The following RBBP6 variants were observed in gnomAD, a reference collection of about 807,000 sequenced individuals.
The protein encoded by RBBP6 is RB binding protein 6, ubiquitin ligase.
A neutral mutation model predicts 167.7 loss-of-function variants in RBBP6; 25 were observed. That is an observed-to-expected ratio of 0.15 (90% CI 0.11 to 0.21). RBBP6 has a LOEUF of 0.21. Among genes scored for constraint, RBBP6 ranks in the 10% least tolerant of loss-of-function variants. The probability of loss-of-function intolerance (pLI) is 1.00; values close to 1 mark genes in which losing one functional copy is unlikely to be tolerated. For missense variants in RBBP6, 1,868 were observed against 2,134.2 expected, an observed-to-expected ratio of 0.88 and a Z score of 2.46; for synonymous variants, 789 against 735.8, an observed-to-expected ratio of 1.07 and a Z score of -1.17.
intron 14 of RBBP6, among the ~76,000 whole-genome samples, chr16:24,565,481 A>G (rs1899172660): frequency 6.6e-6 from 1 of 152,252 alleles, no homozygotes; most frequent in Admixed American, 6.5e-5. Context: ...GGTGAACAGC[A>G]GCTGAGCGAG....
chr16:24,563,707 A>C (rs777352358), intron 13 of RBBP6, 43 bp downstream of exon 13: 4 of 1,580,920 alleles, frequency 2.5e-6, no homozygotes, highest in African/African-American at 2.8e-5. Context: ...TTGCCTGCAA[A>C]CTAGATAATG....
chr16:24,560,893 C>T (rs1015567081), intron 8 of RBBP6, among the ~76,000 whole-genome samples: 1 of 152,130 alleles, frequency 6.6e-6, no homozygotes, highest in Non-Finnish European at 1.5e-5. Context: ...GAACCCATCC[C>T]CTTTGGATAC....
At chr16:24,558,565 C>A in intron 7 of RBBP6, 3 of 836,866 alleles carry the variant, frequency 3.6e-6, no homozygotes, top group Non-Finnish European at 4.3e-6. Context: ...GAGATTCTTT[C>A]ATTTTCAGCA....
chr16:24,558,553 C>T (rs534192299), intron 7 of RBBP6: 1 of 891,102 alleles, frequency 1.1e-6, no homozygotes, highest in African/African-American at 1.8e-5. Context: ...CTCTGTACAG[C>T]CGAGATTCTT....
chr16:24,563,898 GT>G (rs901812474), intron 13 of RBBP6, among the ~76,000 whole-genome samples: 3 of 151,808 alleles, frequency 2.0e-5, no homozygotes, highest in Non-Finnish European at 4.4e-5. Context: ...AATTTTAAAA[GT>G]TTTTTTCTAC....
chr16:24,550,323 GT>G (rs972625721), intron 3 of RBBP6, among the ~76,000 whole-genome samples: 6 of 140,798 alleles, frequency 4.3e-5, no homozygotes, highest in Admixed American at 2.1e-4. Flanking sequence ...AGTGTTTGGG[GT>G]TTTTTTTTCC....
chr16:24,545,089 CTT>C (rs199819400), intron 1 of RBBP6, among the ~76,000 whole-genome samples: 1 of 152,056 alleles, frequency 6.6e-6, no homozygotes, highest in African/African-American at 2.4e-5. Context: ...CCACAGTAGT[CTT>C]TTTTTGAGAC....
chr16:24,551,515 A>T (rs1898794131), intron 3 of RBBP6, among the ~76,000 whole-genome samples: 1 of 151,858 alleles, frequency 6.6e-6, no homozygotes, highest in Non-Finnish European at 1.5e-5. Flanking sequence ...AATAGTGATT[A>T]CTTGGTGGTA....
In RBBP6 at chr16:24,562,057, C is replaced by A; in HGVS notation, c.1185C>A (p.Ala395=). Residue 395 remains alanine, a synonymous_variant, in exon 10 of 18, where the codon GCC becomes GCA. Transcript: ENST00000319715. ...TAACTTCTAATCAGTCTTCCTTGGC[C>A]CCTCCTGTGTCTGGAAATCCGTCTT... The part of the protein sequence containing the change: ...SSLTSNQSSL[A]PPVSGNPSSA... 5 of 1,612,918 alleles carry A rather than the reference C, an allele frequency of 3.1e-6. No individual in the cohort carries two copies. Among genetic ancestry groups the A allele is most frequent in the Non-Finnish European group, 4.2e-6 (5 of 1,178,918 alleles).
chr16:24,565,008 T>C (rs1899158676), intron 14 of RBBP6, 143 bp downstream of exon 14: 4 of 1,335,346 alleles, frequency 3.0e-6, no homozygotes, highest in Non-Finnish European at 9.7e-7. Flanking sequence ...CCTGGGTAGT[T>C]GTCCTTAAAG....
intron 16 of RBBP6, among the ~76,000 whole-genome samples, chr16:24,568,100 G>A (rs763290763): frequency 6.6e-6 from 1 of 152,080 alleles, no homozygotes; most frequent in Non-Finnish European, 1.5e-5. Context: ...TAACAGTTGT[G>A]GGGATTAAAT....
rs200250979 is a variant in RBBP6, at chr16:24,570,384, T to G, written c.3694T>G (p.Ser1232Ala). Reference sequence around the variant, plus strand: ...AAATATATCAAACACAAAAGAACCCTCTGAAAAATTGGAGTCAACATCTAG... The same window carrying G: ...AAATATATCAAACACAAAAGAACCCGCTGAAAAATTGGAGTCAACATCTAG... ...TENISNTKEP[S>A]EKLESTSSKV... The change falls in exon 17 of 18, where the codon TCT (serine) becomes GCT (alanine). Residue 1232 changes from serine to alanine, a missense_variant. Ser to Ala is a moderately conservative substitution (Grantham distance 99, BLOSUM62 1). Coordinates refer to ENST00000319715, the MANE Select transcript of RBBP6 (RefSeq NM_006910.5). The G allele has an allele frequency of 6.2e-7, 1 of 1,612,486 alleles. No homozygotes were observed. The highest frequency in any genetic ancestry group is 2.2e-5 in the East Asian group (1 of 44,838).
intron 1 of RBBP6, 85 bp downstream of exon 1, chr16:24,540,877 A>G: frequency 6.7e-7 from 1 of 1,495,526 alleles, no homozygotes; most frequent in Non-Finnish European, 9.0e-7. Context: ...AACCGCCATT[A>G]TGTCTCTAGT....
intron 8 of RBBP6, among the ~76,000 whole-genome samples, chr16:24,560,268 G>T (rs938656546): frequency 1.9e-4 from 29 of 151,938 alleles, no homozygotes; most frequent in Middle Eastern, 3.2e-3. Context: ...CACCACACCC[G>T]GCTAATGTTT....
In RBBP6 at chr16:24,555,978, G is replaced by A. The variant is rs183232779; in HGVS notation, c.534+61G>A. The A allele has an allele frequency of 4.2e-6, 6 of 1,414,436 alleles. No homozygotes were observed. The Admixed American group carries it at 7.0e-5, about 17-fold the overall frequency. The allele number at this position is 1,414,436 out of a possible 1,614,324, so 87.6% of individuals were successfully genotyped here. ...TTTTTTCCTTTGGAATTGTTCCTTA[G>A]CTATCTTATTTTTCTTGGTTAATAC... On this transcript the variant is annotated intron_variant, in intron 6 of 17. Transcript: ENST00000319715.
chr16:24,569,126 T>C lies in RBBP6; in HGVS notation c.2436T>C (p.Tyr812=), dbSNP rs1412933980. The C allele has an allele frequency of 2.5e-6, 4 of 1,612,998 alleles. No individual in the cohort carries two copies. In the Admixed American group the frequency reaches 6.7e-5, roughly 27 times the overall value. Residue 812 remains tyrosine, a synonymous_variant, in exon 17 of 18, where the codon TAT becomes TAC. Transcript: ENST00000319715. The part of the protein sequence containing the change: ...VPPPYDMKAY[Y]GRSVDFRDPF... ...CACCATATGACATGAAAGCATATTA[T>C]GGGAGAAGTGTTGACTTTAGAGACC...
intron 7 of RBBP6, among the ~76,000 whole-genome samples, chr16:24,558,246 G>C (rs1370206897): frequency 3.3e-5 from 5 of 152,084 alleles, no homozygotes; most frequent in African/African-American, 1.2e-4. Flanking sequence ...AATTGTGCCA[G>C]ACACACAGCA....
At position 24,539,822 on chromosome 16, in the gene RBBP6, G is replaced by C. The variant is rs1898435919; in HGVS notation, c.-805G>C. On this transcript the variant is annotated 5_prime_UTR_variant, in exon 1 of 18. Coordinates refer to ENST00000319715, the MANE Select transcript of RBBP6 (RefSeq NM_006910.5). ...CAGGGAGCCTCGGCGGTGTCCCCGGGGTCCGCCGAAGCCACCCGGCCGCCG... is the reference window on the plus strand; with the variant it reads ...CAGGGAGCCTCGGCGGTGTCCCCGGCGTCCGCCGAAGCCACCCGGCCGCCG... The C allele has an allele frequency of 6.6e-6, 1 of 152,244 alleles. No individual in the cohort carries two copies. The highest frequency in any genetic ancestry group is 1.5e-5 in the Non-Finnish European group (1 of 68,040). The allele number at this position is 152,244 out of a possible 1,614,324, so 9.4% of individuals were successfully genotyped here. A position where few individuals can be genotyped will look rare whatever the true frequency, so the allele number is the denominator to read the frequency against.
rs551907767 is a variant in RBBP6 at position 24,561,422 on chromosome 16, T to C, written c.848-190T>C. On this transcript the variant is annotated intron_variant, in intron 8 of 17. Coordinates refer to ENST00000319715, the MANE Select transcript of RBBP6 (RefSeq NM_006910.5). ...TCTTTTTAGCGTAGCATAGGTCATA[T>C]AGAAAAGAGCAGAGGAGTACTGTAA... is the stretch of plus-strand genomic sequence containing the variant. Among the ~76,000 whole-genome samples, 10 of 152,304 alleles carry C rather than the reference T, an allele frequency of 6.6e-5. No homozygotes were observed. The South Asian group carries it at 1.7e-3, about 25-fold the overall frequency.
Sources: gnomAD v4.1 joint callset for allele counts (sites outside exome capture counted in the v4.1 genomes callset) on GRCh38, gnomAD v4.1.1 for gene constraint, MANE v1.5 for transcripts, NCBI Gene and HGNC (gene_info 2026-07-23, HGNC 2026-07-21) for gene names.